The following LPL variants were observed in gnomAD, a reference collection of about 807,000 sequenced individuals.
LPL encodes the protein lipoprotein lipase.
In LPL, 43 loss-of-function variants were observed where a neutral mutation model predicts 52.2. That is an observed-to-expected ratio of 0.82 (90% confidence interval 0.64 to 1.06). The LOEUF (loss-of-function observed/expected upper bound fraction) is 1.06. Ranked by LOEUF, LPL falls within the 50% of genes least tolerant of loss-of-function variation. LPL has a pLI of 0.00. For missense variants in LPL, 639 were observed against 585.3 expected, an observed-to-expected ratio of 1.09 and a Z score of -0.95; for synonymous variants, 244 against 215.6, an observed-to-expected ratio of 1.13 and a Z score of -1.15.
rs918766971 is a variant in LPL, at chr8:19,945,872, T to C, written c.89-2308T>C. 1.1e-4 allele frequency among the ~76,000 whole-genome samples: 16 copies of C among 152,330 alleles called. 1 individual carries two copies. The highest frequency in any genetic ancestry group is 7.7e-4 in the East Asian group (4 of 5,192). ...TCACATCATCTCTGCTTTAAAAAGA[T>C]TGATCATAGAATATGTTAAAATAAG... is the stretch of plus-strand genomic sequence containing the variant. On this transcript the variant is annotated intron_variant, in intron 1 of 9. Coordinates refer to ENST00000650287, the MANE Select transcript of LPL (RefSeq NM_000237.3).
chr8:19,957,017 T>A (rs2069991944), intron 6 of LPL, among the ~76,000 whole-genome samples: 1 of 151,792 alleles, frequency 6.6e-6, no homozygotes, highest in Non-Finnish European at 1.5e-5. Context: ...AGAGAGGGGG[T>A]TTCACCGTGT....
In LPL at chr8:19,965,393, C is replaced by T. The variant is rs1288406029; in HGVS notation, c.*83C>T. 3.9e-6 allele frequency: 3 copies of T among 777,546 alleles called. No homozygotes were observed. Among genetic ancestry groups the T allele is most frequent in the African/African-American group, 3.4e-5 (2 of 59,038 alleles). The allele number at this position is 777,546 out of a possible 1,614,324, so 48.2% of individuals were successfully genotyped here. ...GAGGAAGTAACTTTTACAAAACATA[C>T]CCAGTGTTTGGGGTGTTTCAAAAGT... On this transcript the variant is annotated 3_prime_UTR_variant, in exon 10 of 10. Coordinates refer to ENST00000650287, the MANE Select transcript of LPL (RefSeq NM_000237.3).
chr8:19,956,497 G>A (rs1370839735), intron 6 of LPL, among the ~76,000 whole-genome samples: 4 of 152,114 alleles, frequency 2.6e-5, no homozygotes, highest in Non-Finnish European at 5.9e-5. Flanking sequence ...ACGTATGTAG[G>A]TTTGCTAAAA....
At chr8:19,964,774 C>G (rs953747506) in intron 9 of LPL, among the ~76,000 whole-genome samples, 6 of 152,150 alleles carry the variant, frequency 3.9e-5, no homozygotes, top group African/African-American at 1.4e-4. Context: ...AGGTGATGTG[C>G]CTGTCTCAGC....
In LPL at chr8:19,944,461, G is replaced by C. The variant is rs866867623; in HGVS notation, c.89-3719G>C. On this transcript the variant is annotated intron_variant, in intron 1 of 9. Transcript: ENST00000650287. This position sits in a 1 kb window ranked among gnomAD's most constrained non-coding sequence, Gnocchi z 4.2. ...AGTGAGAGAAAAGGGGGGAGAGAGA[G>C]AGAAAGGGGTGGGGGGATAACAGGA... is the stretch of plus-strand genomic sequence containing the variant. Among the ~76,000 whole-genome samples the C allele has an allele frequency of 7.1e-6, 1 of 141,266 alleles. No homozygotes were observed. Among genetic ancestry groups the C allele is most frequent in the East Asian group, 2.4e-4 (1 of 4,156 alleles). 92.7% of individuals were successfully genotyped at this position (141,266 alleles called of 152,430 possible). A position where few individuals can be genotyped will look rare whatever the true frequency, so the allele number is the denominator to read the frequency against.
In LPL at chr8:19,939,551, C is replaced by T. The variant is rs2069812181; in HGVS notation, c.88+23C>T. 1.9e-6 allele frequency: 3 copies of T among 1,598,048 alleles called. No individual in the cohort carries two copies. The highest frequency in any genetic ancestry group is 1.1e-5 in the South Asian group (1 of 89,158). ...ACCGTAAGTTTTGCGCGCAAACTCC[C>T]CTCCACCTGCAGACCCGGCGGGTGG... On this transcript the variant is annotated intron_variant, in intron 1 of 9. Coordinates refer to ENST00000650287, the MANE Select transcript of LPL (RefSeq NM_000237.3). The surrounding 1 kb of genome is among the most constrained non-coding windows in gnomAD (Gnocchi z 4.0).
chr8:19,961,705 A>AC (rs1200280110), intron 8 of LPL, among the ~76,000 whole-genome samples: 2 of 152,122 alleles, frequency 1.3e-5, no homozygotes, highest in Admixed American at 6.6e-5. Context: ...AAACAAACAA[A>AC]AAAAAAAAGA....
intron 5 of LPL, among the ~76,000 whole-genome samples, chr8:19,955,174 T>C (rs925457849): frequency 3.3e-5 from 5 of 152,246 alleles, no homozygotes; most frequent in African/African-American, 7.2e-5. Flanking sequence ...ATTATTTCTA[T>C]GTTCATTTGA....
At position 19,939,850 on chromosome 8, in the gene LPL, C is replaced by T. The variant is rs1419042914; in HGVS notation, c.88+322C>T. Among the ~76,000 whole-genome samples, 15 of 152,298 alleles carry T rather than the reference C, an allele frequency of 9.8e-5. 1 individual carries two copies. Among genetic ancestry groups the T allele is most frequent in the Admixed American group, 9.8e-4 (15 of 15,308 alleles). Reference sequence around the variant, plus strand: ...CGGGGAGGTTCCGGGGTGTGGGGGCCGGGACGGCGGAGGCGGGGAGTAAGG... The same window carrying T: ...CGGGGAGGTTCCGGGGTGTGGGGGCTGGGACGGCGGAGGCGGGGAGTAAGG... On this transcript the variant is annotated intron_variant, in intron 1 of 9. Transcript: ENST00000650287. This position sits in a 1 kb window ranked among gnomAD's most constrained non-coding sequence, Gnocchi z 4.0.
intron 1 of LPL, among the ~76,000 whole-genome samples, chr8:19,941,117 A>T (rs1341338680): frequency 6.6e-6 from 1 of 152,132 alleles, no homozygotes; most frequent in Non-Finnish European, 1.5e-5. Flanking sequence ...CAAAACAAAC[A>T]CTAAGTATAG....
chr8:19,959,887 C>G (rs1448916723), intron 7 of LPL, among the ~76,000 whole-genome samples: 1 of 139,548 alleles, frequency 7.2e-6, no homozygotes, highest in Admixed American at 7.9e-5. Flanking sequence ...CTCCCGAGTT[C>G]AAACAATTCT....
rs2128838911 is a variant in LPL, at chr8:19,957,859, T to C, written c.1019-1401T>C. ...CATAAAAATATGGTCTGCTATATTC[T>C]AAACCATCAGTCTTAAGAGATCTGT... is the stretch of plus-strand genomic sequence containing the variant. On this transcript the variant is annotated intron_variant, in intron 6 of 9. Transcript: ENST00000650287. Among the ~76,000 whole-genome samples the C allele has an allele frequency of 2.0e-5, 3 of 152,258 alleles. 1 individual carries two copies. Among genetic ancestry groups the C allele is most frequent in the Middle Eastern group, 3.4e-3 (1 of 294 alleles).
chr8:19,962,043 C>T, intron 8 of LPL, 72 bp from the exon 9 acceptor site: 1 of 1,011,020 alleles, frequency 9.9e-7, no homozygotes, highest in Non-Finnish European at 1.6e-6. Context: ...ACAGTCCTGA[C>T]AGAACTGTAC....
At chr8:19,942,241 A>G (rs2069847208) in intron 1 of LPL, among the ~76,000 whole-genome samples, 1 of 152,226 alleles carries the variant, frequency 6.6e-6, no homozygotes, top group Non-Finnish European at 1.5e-5. Context: ...CTTATGCCAG[A>G]TTGTTCAAGA....
At chr8:19,941,445 G>A (rs141271779) in intron 1 of LPL, among the ~76,000 whole-genome samples, 16 of 152,270 alleles carry the variant, frequency 1.1e-4, no homozygotes, top group Admixed American at 2.6e-4. Context: ...ACCTCTCTGG[G>A]TTTAGGTTCC....
intron 5 of LPL, 137 bp downstream of exon 5, chr8:19,954,490 A>T: frequency 1.2e-6 from 1 of 834,874 alleles, no homozygotes; most frequent in Non-Finnish European, 1.9e-6. Context: ...AGAATTCTGC[A>T]ATGTTCAGCA....
chr8:19,945,328 A>G (rs1453537310), intron 1 of LPL, among the ~76,000 whole-genome samples: 2 of 152,190 alleles, frequency 1.3e-5, no homozygotes, highest in African/African-American at 4.8e-5. Context: ...TTGCAAACAC[A>G]GGTAGTGTGA....
chr8:19,943,132 G>A (rs78728380), intron 1 of LPL, among the ~76,000 whole-genome samples: 9 of 152,172 alleles, frequency 5.9e-5, no homozygotes, highest in Admixed American at 1.3e-4. Context: ...TGGTGTGTGC[G>A]CTCATCTGTA....
intron 3 of LPL, 148 bp downstream of exon 3, chr8:19,952,096 T>C (rs2069939606): frequency 1.1e-6 from 1 of 872,216 alleles, no homozygotes; most frequent in South Asian, 1.6e-5. Flanking sequence ...TATTATTTTA[T>C]ATCCAAAAGC....
Sources: allele counts gnomAD v4.1 joint callset (sites outside exome capture counted in the v4.1 genomes callset), GRCh38; gene constraint gnomAD v4.1.1; non-coding constraint Gnocchi (gnomAD v3.1); transcripts MANE v1.5; gene names NCBI Gene and HGNC (gene_info 2026-07-23, HGNC 2026-07-21).